Variants in PFKFB3 observed in about 807,000 individuals in gnomAD.
PFKFB3 encodes 6-phosphofructo-2-kinase/fructose-2,6-bisphosphatase 3.
In PFKFB3, 33 loss-of-function variants were observed where a neutral mutation model predicts 68.0. The observed-to-expected ratio is 0.49, with a 90% confidence interval of 0.37 to 0.65. PFKFB3 has a LOEUF of 0.65. Ranked by LOEUF, PFKFB3 falls within the 30% of genes least tolerant of loss-of-function variation. The pLI is 0.00. For synonymous variants in PFKFB3, 315 were observed against 288.2 expected, an observed-to-expected ratio of 1.09 and a Z score of -0.94; for missense variants, 586 against 712.2, an observed-to-expected ratio of 0.82 and a Z score of 2.02.
chr10:6,209,357 G>C (rs1010335209), intron 1 of PFKFB3, among the ~76,000 whole-genome samples: 8 of 152,214 alleles, frequency 5.3e-5, no homozygotes, highest in African/African-American at 1.4e-4. Flanking sequence ...ACACATTTAA[G>C]TTTCACAACT....
At chr10:6,222,553 A>C (rs1360895630) in intron 10 of PFKFB3, among the ~76,000 whole-genome samples, 5 of 152,044 alleles carry the variant, frequency 3.3e-5, no homozygotes. Flanking sequence ...CTGCATCTGG[A>C]TCTGCCTATT....
rs1845625683 is a variant in PFKFB3 at position 6,229,933 on chromosome 10, C to T, written c.1516-2962C>T. ...TCCGAGTCAGGTGGTAATGTTGGCC[C>T]ACCCACCACCCACCTCCTGCTGTGT... On this transcript the variant is annotated intron_variant, in intron 14 of 14. Transcript: ENST00000379775. This position sits in a 1 kb window ranked among gnomAD's most constrained non-coding sequence, Gnocchi z 4.3. Among the ~76,000 whole-genome samples, 3 of 152,016 alleles carry T rather than the reference C, an allele frequency of 2.0e-5. No homozygotes were observed. In the South Asian group the frequency reaches 6.2e-4, roughly 32 times the overall value.
intron 1 of PFKFB3, among the ~76,000 whole-genome samples, chr10:6,174,594 C>A (rs543798360): frequency 1.3e-5 from 2 of 152,240 alleles, no homozygotes; most frequent in Non-Finnish European, 2.9e-5. Context: ...TGGCACTGGG[C>A]CTGCTGCCCC....
At chr10:6,300,706 A>G in the PFKFB3 span, among the ~76,000 whole-genome samples, 65 of 152,276 alleles carry the variant, frequency 4.3e-4, no homozygotes, top group Non-Finnish European at 7.5e-4. Context: ...TAGCAAAGCC[A>G]GTCTCGCGAG....
chr10:6,210,571 G>A (rs1411424004), intron 1 of PFKFB3, among the ~76,000 whole-genome samples: 1 of 59,314 alleles, frequency 1.7e-5, no homozygotes, highest in South Asian at 5.6e-4. Flanking sequence ...TGTTAGCCAG[G>A]ATAGTCTTGA....
rs143585718 is a variant in PFKFB3, at chr10:6,219,833, C to A, written c.623+140C>A. 7.8e-4 allele frequency: 600 copies of A among 764,886 alleles called. 3 individuals are homozygous for A. In the African/African-American group the frequency reaches 9.0e-3, roughly 11 times the overall value. 47.4% of individuals were successfully genotyped at this position (764,886 alleles called of 1,614,324 possible). Reference sequence around the variant, plus strand: ...AGTTTTTTTTGTAGAGATGAGGTCTCGCTATGTTGCCCGGGCTGGTCTTGA... The same window carrying A: ...AGTTTTTTTTGTAGAGATGAGGTCTAGCTATGTTGCCCGGGCTGGTCTTGA... On this transcript the variant is annotated intron_variant, in intron 7 of 14. Transcript: ENST00000379775.
chr10:6,240,107 T>C (rs1846106828), downstream of PFKFB3, among the ~76,000 whole-genome samples: 1 of 152,220 alleles, frequency 6.6e-6, no homozygotes, highest in Non-Finnish European at 1.5e-5. Flanking sequence ...TTTTACTGCT[T>C]TGCAAACAAT....
At chr10:6,312,178 C>T in the PFKFB3 span, among the ~76,000 whole-genome samples, 1 of 152,134 alleles carries the variant, frequency 6.6e-6, no homozygotes, top group African/African-American at 2.4e-5. Flanking sequence ...TGGAGGGGTC[C>T]TGATTAGGCG....
chr10:6,176,554 G>A (rs960952892), intron 1 of PFKFB3, among the ~76,000 whole-genome samples: 26 of 152,226 alleles, frequency 1.7e-4, no homozygotes, highest in African/African-American at 6.3e-4. Flanking sequence ...CCATAGGTGT[G>A]CGCCATCATG....
At chr10:6,287,644 T>C in the PFKFB3 span, among the ~76,000 whole-genome samples, 1 of 152,186 alleles carries the variant, frequency 6.6e-6, no homozygotes, top group South Asian at 2.1e-4. Flanking sequence ...TATCTCAGAA[T>C]ACGTCCCTGC....
intron 14 of PFKFB3, among the ~76,000 whole-genome samples, chr10:6,226,737 A>G (rs1452371448): frequency 1.3e-5 from 2 of 152,196 alleles, no homozygotes; most frequent in African/African-American, 4.8e-5. Flanking sequence ...TAAAACAAAG[A>G]AAGTGGCTAC....
At position 6,177,438 on chromosome 10, in the gene PFKFB3, C is replaced by CTTTCTTTCTT. The variant is rs1554842946; in HGVS notation, c.16+32426_16+32427insTTCTTTCTTT. Among the ~76,000 whole-genome samples, 11 of 86,718 alleles carry CTTTCTTTCTT rather than the reference C, an allele frequency of 1.3e-4. No homozygotes were observed. The East Asian group carries it at 1.6e-3, about 12-fold the overall frequency. 56.9% of individuals were successfully genotyped at this position (86,718 alleles called of 152,430 possible). On this transcript the variant is annotated intron_variant, in intron 1 of 14. Transcript: ENST00000379789. Reference sequence around the variant, plus strand: ...TTCTCTTTCTTCCTTTCTTTTCTTTCTCTTTCTTTCTTTCTTTCTTTCTTT... The same window carrying CTTTCTTTCTT: ...TTCTCTTTCTTCCTTTCTTTTCTTTCTTTCTTTCTTTCTTTCTTTCTTTCTTTCTTTCTTT...
chr10:6,174,489 G>A (rs368882631), intron 1 of PFKFB3, among the ~76,000 whole-genome samples: 15 of 152,224 alleles, frequency 9.9e-5, no homozygotes, highest in Admixed American at 6.5e-4. Flanking sequence ...TCCGTGGCCC[G>A]GGCTGACCTG....
chr10:6,204,484 C>T (rs1479284362), intron 1 of PFKFB3, among the ~76,000 whole-genome samples: 1 of 152,236 alleles, frequency 6.6e-6, no homozygotes, highest in Non-Finnish European at 1.5e-5. Flanking sequence ...CGGTCTGAAT[C>T]ACCGGCCTCG....
At chr10:6,291,217 A>T in the PFKFB3 span, among the ~76,000 whole-genome samples, 1 of 152,200 alleles carries the variant, frequency 6.6e-6, no homozygotes, top group African/African-American at 2.4e-5. Context: ...TCAAATGCCA[A>T]AGTTAAGTAT....
At chr10:6,287,597 T>C in the PFKFB3 span, among the ~76,000 whole-genome samples, 86 of 152,242 alleles carry the variant, frequency 5.6e-4, no homozygotes, top group African/African-American at 1.9e-3. Flanking sequence ...GTACACTCTG[T>C]GATGTTTGCA....
At chr10:6,304,613 G>A in the PFKFB3 span, among the ~76,000 whole-genome samples, 65 of 150,420 alleles carry the variant, frequency 4.3e-4, no homozygotes, top group Non-Finnish European at 7.8e-4. Flanking sequence ...TGCCCTCCTC[G>A]ACCTCCCAAA....
At chr10:6,309,003 C>A in the PFKFB3 span, among the ~76,000 whole-genome samples, 1 of 152,078 alleles carries the variant, frequency 6.6e-6, no homozygotes, top group East Asian at 1.9e-4. Flanking sequence ...CTCTACAGGA[C>A]AAACAAACTG....
Position 6,178,755 on chromosome 10 carries a change from T to G in PFKFB3, c.16+33742T>G, listed in dbSNP as rs907911733. ...CCACCCCATCGTGTGCAGCACGGACTGGGGGGGATTTGAAGGCAGAGGGCC... is the reference window on the plus strand; with the variant it reads ...CCACCCCATCGTGTGCAGCACGGACGGGGGGGGATTTGAAGGCAGAGGGCC... On this transcript the variant is annotated intron_variant, in intron 1 of 14. Transcript: ENST00000379789. Among the ~76,000 whole-genome samples the G allele has an allele frequency of 5.3e-5, 8 of 152,306 alleles. No individual in the cohort carries two copies. In the East Asian group the frequency reaches 1.2e-3, roughly 22 times the overall value.
Sources: gnomAD v4.1 joint callset for allele counts (sites outside exome capture counted in the v4.1 genomes callset) on GRCh38, gnomAD v4.1.1 for gene constraint, Gnocchi (gnomAD v3.1) non-coding constraint, MANE v1.5 for transcripts, NCBI Gene and HGNC (gene_info 2026-07-23, HGNC 2026-07-21) for gene names.